The following OR51B5 variants were observed in gnomAD, a reference collection of about 807,000 sequenced individuals.
OR51B5 encodes olfactory receptor family 51 subfamily B member 5, also known as olfactory receptor 51B5.
For missense variants in OR51B5, 456 were observed against 374.6 expected, an observed-to-expected ratio of 1.22 and a Z score of -1.79; for synonymous variants, 186 against 144.8, an observed-to-expected ratio of 1.28 and a Z score of -2.04.
intron 1 of OR51B5, among the ~76,000 whole-genome samples, chr11:5,434,992 A>T (rs1047895503): frequency 7.9e-5 from 12 of 152,178 alleles, no homozygotes; most frequent in Non-Finnish European, 1.5e-4. Context: ...AATGGCAGAT[A>T]GATTTTTTTT....
At chr11:5,433,543 T>C (rs368028438) in intron 1 of OR51B5, among the ~76,000 whole-genome samples, 1 of 152,246 alleles carries the variant, frequency 6.6e-6, no homozygotes, top group South Asian at 2.1e-4. Context: ...AAAAGTTTAA[T>C]AAAAATGCCC....
At chr11:5,501,525 A>C (rs560614653) in intron 1 of OR51B5, among the ~76,000 whole-genome samples, 1 of 147,664 alleles carries the variant, frequency 6.8e-6, no homozygotes, top group African/African-American at 2.4e-5. Flanking sequence ...CCTCTTGCTG[A>C]TAATTTTCCT....
intron 1 of OR51B5, chr11:5,392,972 G>C (rs1271102660): frequency 6.6e-6 from 1 of 152,148 alleles, no homozygotes; most frequent in Non-Finnish European, 1.5e-5. Flanking sequence ...GGTAAAAGAG[G>C]TATTTTCACA....
intron 1 of OR51B5, among the ~76,000 whole-genome samples, chr11:5,466,357 G>C (rs1342039597): frequency 6.6e-6 from 1 of 152,078 alleles, no homozygotes; most frequent in Non-Finnish European, 1.5e-5. Flanking sequence ...TAGTGTTGCA[G>C]AAGTACTCGC....
rs900786043 is a variant in OR51B5, at chr11:5,360,979, A to G, written n.85-14069T>C. Among the ~76,000 whole-genome samples the G allele has an allele frequency of 3.7e-5, 5 of 136,390 alleles. No homozygotes were observed. The East Asian group carries it at 8.7e-4, about 24-fold the overall frequency. The allele number at this position is 136,390 out of a possible 152,430, so 89.5% of individuals were successfully genotyped here. ...CACAGGAAGGGGAACATCACACACC[A>G]GGGCCTGCAGTGGGGTGGGGGTCGG... On this transcript the variant is annotated intron_variant and non_coding_transcript_variant, in intron 1 of 4. Coordinates refer to the OR51B5 transcript ENST00000415970.
chr11:5,403,152 C>A, intron 1 of OR51B5: 1 of 466,508 alleles, frequency 2.1e-6, no homozygotes. Flanking sequence ...GTCTGCACCC[C>A]AATCTTATCT....
At chr11:5,343,682 C>G (rs1848943562), upstream of OR51B5, 1 of 529,580 alleles carries the variant, frequency 1.9e-6, no homozygotes, top group Non-Finnish European at 3.3e-6. Context: ...AATACATTCT[C>G]AGGGTTACTC....
chr11:5,399,837 AGAG>A (rs1368552054), intron 1 of OR51B5, among the ~76,000 whole-genome samples: 8 of 152,114 alleles, frequency 5.3e-5, no homozygotes, highest in African/African-American at 1.9e-4. Context: ...CAGAGAAGGC[AGAG>A]GAGGAGAGAC....
chr11:5,370,515 T>A (rs972156045), intron 1 of OR51B5, among the ~76,000 whole-genome samples: 1 of 151,842 alleles, frequency 6.6e-6, no homozygotes, highest in Non-Finnish European at 1.5e-5. Flanking sequence ...TTTATCTCAC[T>A]CTCTTTCTTT....
intron 1 of OR51B5, among the ~76,000 whole-genome samples, chr11:5,477,040 C>G (rs571307391): frequency 6.6e-6 from 1 of 151,936 alleles, no homozygotes; most frequent in South Asian, 2.1e-4. Context: ...TAAAATGTGC[C>G]GAGAGGGTAG....
intron 1 of OR51B5, among the ~76,000 whole-genome samples, chr11:5,488,013 GAA>G (rs5789402): frequency 6.6e-6 from 1 of 152,050 alleles, no homozygotes; most frequent in East Asian, 1.9e-4. Context: ...AACAAATGCA[GAA>G]AAAAAGTTAA....
intron 1 of OR51B5, among the ~76,000 whole-genome samples, chr11:5,450,250 G>A (rs1365742005): frequency 6.6e-6 from 1 of 152,004 alleles, no homozygotes; most frequent in African/African-American, 2.4e-5. Context: ...TTAGCCAGGC[G>A]TGGTGGCAGG....
intron 1 of OR51B5, among the ~76,000 whole-genome samples, chr11:5,418,994 T>C (rs1010770378): frequency 7.2e-5 from 11 of 152,178 alleles, no homozygotes; most frequent in African/African-American, 2.2e-4. Flanking sequence ...TCTTGAGGCA[T>C]GTGCTCATTT....
intron 1 of OR51B5, among the ~76,000 whole-genome samples, chr11:5,411,246 T>A (rs1850144899): frequency 6.6e-6 from 1 of 152,210 alleles, no homozygotes; most frequent in Non-Finnish European, 1.5e-5. Context: ...ACCTTTTCTA[T>A]GTTTAGATAT....
chr11:5,392,096 G>A (rs867875919), intron 1 of OR51B5: 3 of 152,050 alleles, frequency 2.0e-5, no homozygotes, highest in South Asian at 4.2e-4. Flanking sequence ...ATTACAAAGC[G>A]AAATTTAAAA....
rs868641891 is a variant in OR51B5, at chr11:5,412,824, G to A, written n.85-65914C>T. The stretch of plus-strand genomic sequence containing the variant: ...TGGGTGGAGCCCACCACAGCTCAAG[G>A]AGGCCTGCCTGCCTCTGTAGGCTCC... On this transcript the variant is annotated intron_variant and non_coding_transcript_variant, in intron 1 of 4. Transcript: ENST00000415970. 3.3e-5 allele frequency among the ~76,000 whole-genome samples: 5 copies of A among 152,152 alleles called. No homozygotes were observed. In the South Asian group the frequency reaches 1.0e-3, roughly 32 times the overall value.
intron 1 of OR51B5, among the ~76,000 whole-genome samples, chr11:5,451,465 AGTAATCAGAGTTCT>A (rs1850847128): frequency 1.3e-5 from 2 of 152,236 alleles, no homozygotes; most frequent in South Asian, 4.1e-4. Context: ...CTGGATCCCA[AGTAATCAGAGTTCT>A]TGAAGAGACA....
chr11:5,420,824 G>T (rs906392746), intron 1 of OR51B5, among the ~76,000 whole-genome samples: 6 of 151,870 alleles, frequency 4.0e-5, no homozygotes, highest in East Asian at 3.9e-4. Flanking sequence ...ATTCAGTTTT[G>T]ATTTCTGTCT....
At chr11:5,374,953 C>T (rs1169423085) in intron 1 of OR51B5, among the ~76,000 whole-genome samples, 1 of 151,616 alleles carries the variant, frequency 6.6e-6, no homozygotes, top group Non-Finnish European at 1.5e-5. Flanking sequence ...GCAAGGCAGG[C>T]CAACATTCAG....
Sources: allele counts gnomAD v4.1 joint callset (sites outside exome capture counted in the v4.1 genomes callset), GRCh38; gene constraint gnomAD v4.1.1; transcripts MANE v1.5; gene names NCBI Gene and HGNC (gene_info 2026-07-23, HGNC 2026-07-21).